Variants in TENM3 observed in about 807,000 individuals in gnomAD.
TENM3 encodes teneurin transmembrane protein 3.
TENM3 carries 63 observed loss-of-function variants against 255.1 expected under a neutral mutation model. That is an observed-to-expected ratio of 0.25 (90% CI 0.20 to 0.30). The LOEUF is 0.30. Among genes scored for constraint, TENM3 ranks in the 10% least tolerant of loss-of-function variants. The pLI, the probability that TENM3 is intolerant of heterozygous loss-of-function variation, is 1.00. For synonymous variants in TENM3, 1,306 were observed against 1,322.3 expected (o/e 0.99, Z 0.27); for missense variants, 2,929 against 3,461.1 (o/e 0.85, Z 3.86).
chr4:181,522,285 T>C, the TENM3 span, among the ~76,000 whole-genome samples: 8 of 152,150 alleles, frequency 5.3e-5, no homozygotes, highest in African/African-American at 1.7e-4. Flanking sequence ...TCTTTAAAGC[T>C]GAAGACATTT....
the TENM3 span, among the ~76,000 whole-genome samples, chr4:181,879,316 A>G: frequency 2.0e-5 from 3 of 152,050 alleles, no homozygotes; most frequent in Non-Finnish European, 4.4e-5. Flanking sequence ...GGGAGGGAGG[A>G]AGGAAGGAAG....
At chr4:182,424,472 T>C (rs72995479) in intron 3 of TENM3, among the ~76,000 whole-genome samples, 3,528 of 152,012 alleles carry the variant, frequency 0.023, 140 homozygotes, top group African/African-American at 0.08. Context: ...ACTTTTTTTT[T>C]TCATTTTTGA....
chr4:181,455,549 T>A, the TENM3 span, among the ~76,000 whole-genome samples: 2 of 152,092 alleles, frequency 1.3e-5, no homozygotes, highest in Non-Finnish European at 2.9e-5. Context: ...TTTTAAGATA[T>A]TGAGTCCAAT....
chr4:181,480,465 G>A, the TENM3 span, among the ~76,000 whole-genome samples: 13 of 152,158 alleles, frequency 8.5e-5, 1 homozygote, highest in African/African-American at 2.9e-4. Context: ...CCAAACATAC[G>A]ATTCAGTGTT....
At chr4:181,574,517 G>A in the TENM3 span, among the ~76,000 whole-genome samples, 393 of 149,530 alleles carry the variant, frequency 2.6e-3, 5 homozygotes, top group African/African-American at 8.9e-3. Context: ...CGGCCTGGGC[G>A]ACAGAGCGAG....
the TENM3 span, among the ~76,000 whole-genome samples, chr4:181,494,066 A>G: frequency 2.6e-5 from 4 of 152,270 alleles, no homozygotes; most frequent in Non-Finnish European, 4.4e-5. Flanking sequence ...TATCTCTTTT[A>G]TAAGTGAGGA....
At chr4:182,013,993 TACAC>T in the TENM3 span, among the ~76,000 whole-genome samples, 1 of 97,086 alleles carries the variant, frequency 1.0e-5, no homozygotes, top group African/African-American at 4.6e-5. Context: ...TATACGTATA[TACAC>T]ATATATACGT....
the TENM3 span, among the ~76,000 whole-genome samples, chr4:181,844,731 T>C: frequency 6.6e-6 from 1 of 152,020 alleles, no homozygotes; most frequent in African/African-American, 2.4e-5. Flanking sequence ...ATCTAAATAA[T>C]AGGAGTTTCA....
At chr4:182,328,097 A>G (rs1441421081) in intron 2 of TENM3, among the ~76,000 whole-genome samples, 1 of 152,234 alleles carries the variant, frequency 6.6e-6, no homozygotes, top group Non-Finnish European at 1.5e-5. Context: ...AACCCAAAGT[A>G]TATAAGAGTT....
At chr4:182,774,440 T>C (rs1764514847) in intron 23 of TENM3, among the ~76,000 whole-genome samples, 1 of 152,212 alleles carries the variant, frequency 6.6e-6, no homozygotes, top group Admixed American at 6.5e-5. Context: ...TGAAGTCAAT[T>C]TCGGAGGGAA....
chr4:181,917,264 C>G, the TENM3 span, among the ~76,000 whole-genome samples: 1 of 151,948 alleles, frequency 6.6e-6, no homozygotes, highest in Non-Finnish European at 1.5e-5. Flanking sequence ...CATTCAAAGG[C>G]GGTAGGTATA....
At chr4:181,946,552 C>G in the TENM3 span, among the ~76,000 whole-genome samples, 1 of 152,148 alleles carries the variant, frequency 6.6e-6, no homozygotes, top group Non-Finnish European at 1.5e-5. Context: ...TTATATTATA[C>G]TTATCATTAG....
At chr4:182,381,490 TA>T (rs1767563078) in intron 3 of TENM3, among the ~76,000 whole-genome samples, 1 of 152,066 alleles carries the variant, frequency 6.6e-6, no homozygotes, top group Non-Finnish European at 1.5e-5. Context: ...GAGATTTGAA[TA>T]GAGGTAGGCA....
In TENM3 at chr4:182,336,370, G is replaced by T. The variant is rs10032377; in HGVS notation, c.233-10281G>T. Among the ~76,000 whole-genome samples the T allele has an allele frequency of 9.1e-3, 1,386 of 151,898 alleles. 28 individuals are homozygous for T. The highest frequency in any genetic ancestry group is 0.032 in the African/African-American group (1,318 of 41,440). On this transcript the variant is annotated intron_variant, in intron 2 of 27. Transcript: ENST00000511685. ...AAGCCAAAAAAAAAAAGCAATTCAT[G>T]AATAGCTGTGCTCAAAACTTTACAC...
At chr4:182,753,994 A>G (rs552863328) in intron 21 of TENM3, among the ~76,000 whole-genome samples, 1 of 152,292 alleles carries the variant, frequency 6.6e-6, no homozygotes, top group Admixed American at 6.5e-5. Flanking sequence ...AGAAATAGAA[A>G]CTTTACTGTT....
intron 1 of TENM3, among the ~76,000 whole-genome samples, chr4:182,304,487 C>T (rs1392406305): frequency 2.0e-5 from 3 of 152,176 alleles, no homozygotes; most frequent in Non-Finnish European, 2.9e-5. Context: ...AATGGGATTA[C>T]AGGCATGAGC....
intron 2 of TENM3, among the ~76,000 whole-genome samples, chr4:182,334,308 A>G (rs775709095): frequency 6.6e-6 from 1 of 152,136 alleles, no homozygotes; most frequent in Non-Finnish European, 1.5e-5. Context: ...TAAATAATCA[A>G]TGTTTTTGGA....
chr4:182,424,867 TG>T (rs1249663633), intron 3 of TENM3, among the ~76,000 whole-genome samples: 1 of 152,198 alleles, frequency 6.6e-6, no homozygotes, highest in Non-Finnish European at 1.5e-5. Flanking sequence ...AATTTTTTGC[TG>T]GCATTATGAA....
At chr4:182,082,812 T>C in the TENM3 span, among the ~76,000 whole-genome samples, 5 of 152,238 alleles carry the variant, frequency 3.3e-5, no homozygotes, top group African/African-American at 9.6e-5. Context: ...TATGAATATG[T>C]AGTACGCAAT....
Sources: gnomAD v4.1 joint callset for allele counts (sites outside exome capture counted in the v4.1 genomes callset) on GRCh38, gnomAD v4.1.1 for gene constraint, MANE v1.5 for transcripts, NCBI Gene and HGNC (gene_info 2026-07-23, HGNC 2026-07-21) for gene names.